Variants in CD3G observed in about 807,000 individuals in gnomAD.
CD3G encodes CD3 gamma subunit of T-cell receptor complex.
In CD3G, 24 loss-of-function variants were observed where a neutral mutation model predicts 28.3. That is an observed-to-expected ratio of 0.85 (90% CI 0.61 to 1.19). The LOEUF (loss-of-function observed/expected upper bound fraction) is 1.19. Ranked by LOEUF, CD3G falls within the 50% of genes most tolerant of loss-of-function variation. The pLI, the probability that CD3G is intolerant of heterozygous loss-of-function variation, is 0.00. For missense variants in CD3G, 211 were observed against 210.0 expected (o/e 1.00, Z -0.03); for synonymous variants, 71 against 75.9 (o/e 0.93, Z 0.34).
intron 1 of CD3G, among the ~76,000 whole-genome samples, chr11:118,347,311 C>T (rs1370815932): frequency 6.6e-6 from 1 of 152,230 alleles, no homozygotes; most frequent in African/African-American, 2.4e-5. Flanking sequence ...TAAGCTTTCC[C>T]TGATCCTCAC....
Position 118,354,304 on chromosome 11 carries a change from C to CTTTTTTTT in CD3G, c.*1213_*1220dup, listed in dbSNP as rs71041832. 13 of 124,090 alleles carry CTTTTTTTT rather than the reference C, an allele frequency of 1.0e-4. No individual in the cohort carries two copies. Among genetic ancestry groups the CTTTTTTTT allele is most frequent in the East Asian group, 2.5e-4 (1 of 4,036 alleles). The allele number at this position is 124,090 out of a possible 1,614,324, so 7.7% of individuals were successfully genotyped here. A position where few individuals can be genotyped will look rare whatever the true frequency, so the allele number is the denominator to read the frequency against. ...TTTTTTCTTTTCTTTTCTTTTTTTT[C>CTTTTTTTT]TTTTTTTTTTTTTTTTGAAGTGGAA... On this transcript the variant is annotated 3_prime_UTR_variant, in exon 7 of 7. Coordinates refer to ENST00000532917, the MANE Select transcript of CD3G (RefSeq NM_000073.3).
In CD3G at chr11:118,349,043, A is replaced by C. The variant is rs768284919; in HGVS notation, c.72A>C (p.Ser24=). ...TCTTTACAGGTACTTTGGCCCAGTC[A>C]ATCAAAGGTAGGAGAAATGGCTTCT... The part of the protein sequence containing the change: ...IILLQGTLAQ[S]IKGNHLVKVY... The change falls in exon 2 of 7, where the codon TCA becomes TCC. Residue 24 remains serine, a synonymous_variant. Coordinates refer to ENST00000532917, the MANE Select transcript of CD3G (RefSeq NM_000073.3). The C allele has an allele frequency of 9.3e-6, 15 of 1,614,164 alleles. No individual in the cohort carries two copies. Among genetic ancestry groups the C allele is most frequent in the Non-Finnish European group, 1.1e-5 (13 of 1,180,006 alleles).
intron 6 of CD3G, 99 bp from the exon 7 acceptor site, chr11:118,353,020 G>C (rs749880021): frequency 1.9e-5 from 3 of 160,096 alleles, no homozygotes; most frequent in African/African-American, 7.2e-5. Flanking sequence ...TCAGTCAGAA[G>C]TTATGATTTA....
chr11:118,351,724 T>C, intron 5 of CD3G, 53 bp downstream of exon 5: 4 of 1,556,370 alleles, frequency 2.6e-6, no homozygotes, highest in Non-Finnish European at 3.5e-6. Flanking sequence ...GGGGTAAATC[T>C]TTGGGATTGA....
chr11:118,348,320 A>C (rs1948374756), intron 1 of CD3G, among the ~76,000 whole-genome samples: 1 of 152,184 alleles, frequency 6.6e-6, no homozygotes, highest in African/African-American at 2.4e-5. Context: ...CTCCTCATTG[A>C]TAATTTGCTA....
At chr11:118,351,695 G>T in intron 5 of CD3G, 24 bp downstream of exon 5, 1 of 1,611,044 alleles carries the variant, frequency 6.2e-7, no homozygotes, top group Non-Finnish European at 8.5e-7. Context: ...GAATAAAAGA[G>T]ACATTGCTGT....
chr11:118,350,791 T>G, intron 4 of CD3G, 108 bp downstream of exon 4: 1 of 1,592,320 alleles, frequency 6.3e-7, no homozygotes, highest in Non-Finnish European at 8.5e-7. Context: ...CTTGCTAGTG[T>G]GCATAGTTGG....
intron 3 of CD3G, 25 bp from the exon 4 acceptor site, chr11:118,350,527 G>A (rs1266528563): frequency 3.2e-6 from 5 of 1,578,546 alleles, no homozygotes; most frequent in Non-Finnish European, 4.4e-6. Flanking sequence ...GCAACCTGAA[G>A]GTTTGTCTCT....
Position 118,353,631 on chromosome 11 carries a change from A to G in CD3G, c.*531A>G, listed in dbSNP as rs1297155071. 6.7e-6 allele frequency: 1 copy of G among 149,264 alleles called. No homozygotes were observed. The highest frequency in any genetic ancestry group is 1.5e-5 in the Non-Finnish European group (1 of 67,964). 9.2% of individuals were successfully genotyped at this position (149,264 alleles called of 1,614,324 possible). A position where few individuals can be genotyped will look rare whatever the true frequency, so the allele number is the denominator to read the frequency against. On this transcript the variant is annotated 3_prime_UTR_variant, in exon 7 of 7. Coordinates refer to ENST00000532917, the MANE Select transcript of CD3G (RefSeq NM_000073.3). ...CTGCAACCTCTGCCTCCTGGGTTCA[A>G]GCGATTCTCCTGCCTCAGCCTCCCG...
intron 4 of CD3G, 199 bp downstream of exon 4, chr11:118,350,882 CCT>C: frequency 1.1e-6 from 1 of 925,348 alleles, no homozygotes; most frequent in Non-Finnish European, 1.3e-6. Context: ...GATACAGCTC[CCT>C]CTGTGAAAAA....
chr11:118,350,713 G>T, intron 4 of CD3G, 30 bp downstream of exon 4: 3 of 1,613,106 alleles, frequency 1.9e-6, no homozygotes, highest in Non-Finnish European at 2.5e-6. Context: ...TGAGAGATGG[G>T]ACCACCTGAG....
At position 118,353,221 on chromosome 11, in the gene CD3G, C is replaced by G. The variant is rs1948424585; in HGVS notation, c.*121C>G. ...GCCCTAAATCTAGACTCAAGGTTCC[C>G]AGAGATGACAAATGGAGAAGAAAGG... On this transcript the variant is annotated 3_prime_UTR_variant, in exon 7 of 7. Transcript: ENST00000532917. 6.6e-6 allele frequency: 1 copy of G among 151,944 alleles called. No individual in the cohort carries two copies. Among genetic ancestry groups the G allele is most frequent in the African/African-American group, 2.4e-5 (1 of 41,332 alleles). The allele number at this position is 151,944 out of a possible 1,614,324, so 9.4% of individuals were successfully genotyped here. A position where few individuals can be genotyped will look rare whatever the true frequency, so the allele number is the denominator to read the frequency against.
rs1166028349 is a variant in CD3G, at chr11:118,349,038, C to G, written c.67C>G (p.Gln23Glu). Residue 23 changes from glutamine to glutamate, a missense_variant, in exon 2 of 7, where the codon CAG (glutamine) becomes GAG (glutamate). By Grantham distance (29) the Gln-to-Glu change is conservative. Transcript: ENST00000532917. ...AIILLQGTLA[Q>E]SIKGNHLVKV... is the part of the protein sequence containing the mutation. ...TTCTGTCTTTACAGGTACTTTGGCC[C>G]AGTCAATCAAAGGTAGGAGAAATGG... The G allele has an allele frequency of 6.2e-7, 1 of 1,614,152 alleles. No individual in the cohort carries two copies. Among genetic ancestry groups the G allele is most frequent in the South Asian group, 1.1e-5 (1 of 91,074 alleles).
rs753213080 is a variant in CD3G, at chr11:118,352,410, A to G, written c.490A>G (p.Lys164Glu). 3.7e-6 allele frequency: 6 copies of G among 1,613,972 alleles called. No homozygotes were observed. Among genetic ancestry groups the G allele is most frequent in the Non-Finnish European group, 5.1e-6 (6 of 1,179,820 alleles). ...LPNDQLYQPL[K>E]DREDDQYSHL... ...ACTGTGCTGTCCTTTCCAGCCCCTCAAGGATCGAGAAGATGACCAGTACAG... is the reference window on the plus strand; with the variant it reads ...ACTGTGCTGTCCTTTCCAGCCCCTCGAGGATCGAGAAGATGACCAGTACAG... Residue 164 changes from lysine to glutamate, a missense_variant, in exon 6 of 7, where the codon AAG (lysine) becomes GAG (glutamate). Physicochemically the swap from Lys to Glu is moderately conservative, Grantham distance 56 (BLOSUM62 1). Coordinates refer to ENST00000532917, the MANE Select transcript of CD3G (RefSeq NM_000073.3).
chr11:118,350,787 AG>A, intron 4 of CD3G, 104 bp downstream of exon 4: 1 of 1,544,590 alleles, frequency 6.5e-7, no homozygotes, highest in Non-Finnish European at 8.8e-7. Flanking sequence ...GCTTCTTGCT[AG>A]TGTGCATAGT....
intron 5 of CD3G, 89 bp from the exon 6 acceptor site, chr11:118,352,315 C>T (rs1948417128): frequency 9.1e-6 from 10 of 1,093,436 alleles, no homozygotes; most frequent in Non-Finnish European, 1.3e-5. Context: ...ACTCCAAATT[C>T]TCACATATAA....
intron 5 of CD3G, among the ~76,000 whole-genome samples, chr11:118,352,076 C>T (rs1001631135): frequency 3.3e-5 from 5 of 151,904 alleles, no homozygotes; most frequent in African/African-American, 1.2e-4. Flanking sequence ...ATTAACCAGG[C>T]GTGGAGGCGC....
At chr11:118,350,501 AG>A (rs1948396877) in intron 3 of CD3G, 50 bp from the exon 4 acceptor site, 1 of 1,391,620 alleles carries the variant, frequency 7.2e-7, no homozygotes. Context: ...AAAACGAACC[AG>A]GAAAAACAAC....
At chr11:118,348,975 T>A in intron 1 of CD3G, 52 bp from the exon 2 acceptor site, 1 of 1,600,524 alleles carries the variant, frequency 6.2e-7, no homozygotes, top group Non-Finnish European at 8.6e-7. Flanking sequence ...CTTCAGGGCA[T>A]CTGAACAACT....
Sources: allele counts gnomAD v4.1 joint callset (sites outside exome capture counted in the v4.1 genomes callset), GRCh38; gene constraint gnomAD v4.1.1; transcripts MANE v1.5; gene names NCBI Gene and HGNC (gene_info 2026-07-23, HGNC 2026-07-21).